Variants in GPR149 observed in about 807,000 individuals in gnomAD.
The protein encoded by GPR149 is G protein-coupled receptor 149.
Under a neutral mutation model 50.2 loss-of-function variants are expected in GPR149, and 50 were observed. That is an observed-to-expected ratio of 1.00 (90% CI 0.79 to 1.26). The LOEUF is 1.26. Ranked by LOEUF, GPR149 falls within the 50% of genes most tolerant of loss-of-function variation. The probability of loss-of-function intolerance (pLI) is 0.00; values close to 1 mark genes in which losing one functional copy is unlikely to be tolerated. For synonymous variants in GPR149, 405 were observed against 358.2 expected, an observed-to-expected ratio of 1.13 and a Z score of -1.48; for missense variants, 983 against 895.4, an observed-to-expected ratio of 1.10 and a Z score of -1.25.
At chr3:154,401,658 A>G (rs1419184246) in intron 3 of GPR149, among the ~76,000 whole-genome samples, 4 of 152,078 alleles carry the variant, frequency 2.6e-5, no homozygotes, top group Non-Finnish European at 4.4e-5. Flanking sequence ...AACTGGGGGG[A>G]AAAACAGGAA....
At chr3:154,371,713 C>A (rs939020148) in intron 3 of GPR149, among the ~76,000 whole-genome samples, 2 of 152,074 alleles carry the variant, frequency 1.3e-5, no homozygotes, top group East Asian at 3.9e-4. Flanking sequence ...AGTCAGGAAT[C>A]ATTACTGAAA....
intron 2 of GPR149, among the ~76,000 whole-genome samples, chr3:154,424,795 C>T (rs1342744106): frequency 6.6e-6 from 1 of 150,878 alleles, no homozygotes; most frequent in Non-Finnish European, 1.5e-5. Flanking sequence ...TTGCCAATTA[C>T]AATTTTAGAT....
intron 3 of GPR149, among the ~76,000 whole-genome samples, chr3:154,371,969 T>C (rs890941316): frequency 1.5e-5 from 2 of 133,934 alleles, no homozygotes; most frequent in Non-Finnish European, 3.3e-5. Context: ...ACTCACGGCA[T>C]CTACCAAGGA....
At position 154,421,194 on chromosome 3, in the gene GPR149, C is replaced by A. The variant is rs747593917; in HGVS notation, c.1468G>T (p.Asp490Tyr). ...EAKQDSNNKKDAFSDKTGGDI... is the reference protein window; with the variant it reads ...EAKQDSNNKKYAFSDKTGGDI... The stretch of plus-strand genomic sequence containing the variant: ...CCTCCTGTTTTGTCAGAAAACGCAT[C>A]CTTTTTGTTGTTGGAATCCTGTTTA... Residue 490 changes from aspartate to tyrosine, a missense_variant, in exon 3 of 4, where the codon GAT (aspartate) becomes TAT (tyrosine). Physicochemically the swap from Asp to Tyr is radical, Grantham distance 160. Coordinates refer to ENST00000389740, the MANE Select transcript of GPR149 (RefSeq NM_001038705.3). The A allele has an allele frequency of 1.2e-5, 20 of 1,613,328 alleles. No individual in the cohort carries two copies. In the African/African-American group the frequency reaches 2.0e-4, roughly 16 times the overall value.
chr3:154,422,644 C>A (rs1712179432), intron 2 of GPR149, among the ~76,000 whole-genome samples: 1 of 151,668 alleles, frequency 6.6e-6, no homozygotes, highest in African/African-American at 2.4e-5. Flanking sequence ...GATTTATAAA[C>A]CAATTCTGTT....
chr3:154,338,008 C>G lies in GPR149; in HGVS notation c.1887G>C (p.Glu629Asp). 1 of 1,614,166 alleles carries G rather than the reference C, an allele frequency of 6.2e-7. No homozygotes were observed. Among genetic ancestry groups the G allele is most frequent in the Non-Finnish European group, 8.5e-7 (1 of 1,180,030 alleles). Reference sequence around the variant, plus strand: ...TAATGATTGACACAGTGTCCAAGGCCTCTTCATTATCACAAATTTCAAGAA... The same window carrying G: ...TAATGATTGACACAGTGTCCAAGGCGTCTTCATTATCACAAATTTCAAGAA... ...LEVLEICDNE[E>D]ALDTVSIISN... Residue 629 changes from glutamate to aspartate, a missense_variant, in exon 4 of 4, where the codon GAG becomes GAC. Physicochemically the swap from Glu to Asp is conservative, Grantham distance 45. Transcript: ENST00000389740.
intron 3 of GPR149, among the ~76,000 whole-genome samples, chr3:154,391,556 T>TA (rs11385801): frequency 0.24 from 36,918 of 150,848 alleles, 4,784 homozygotes; most frequent in South Asian, 0.32. Context: ...TACAAGGTAG[T>TA]AAAAAAACAT....
chr3:154,412,878 C>T (rs1011588975), intron 3 of GPR149, among the ~76,000 whole-genome samples: 7 of 152,068 alleles, frequency 4.6e-5, no homozygotes, highest in Admixed American at 3.9e-4. Context: ...AATCTGGAGG[C>T]ATTACATTTC....
At position 154,342,967 on chromosome 3, in the gene GPR149, T is replaced by A. The variant is rs370910168; in HGVS notation, c.1624-4696A>T. ...TTCAGCACTTTTGTAAGCCCCAAAT[T>A]AGAAACAATCTAAAGATCTACATTT... On this transcript the variant is annotated intron_variant, in intron 3 of 3. Coordinates refer to ENST00000389740, the MANE Select transcript of GPR149 (RefSeq NM_001038705.3). Among the ~76,000 whole-genome samples the A allele has an allele frequency of 7.2e-5, 11 of 152,338 alleles. No individual in the cohort carries two copies. In the East Asian group the frequency reaches 1.5e-3, roughly 21 times the overall value.
intron 3 of GPR149, among the ~76,000 whole-genome samples, chr3:154,343,517 C>T (rs912565086): frequency 3.9e-5 from 6 of 152,070 alleles, no homozygotes; most frequent in Non-Finnish European, 7.4e-5. Context: ...CAGCGTTCAT[C>T]ATCTGGAGTA....
At position 154,336,063 on chromosome 3, in the gene GPR149, T is replaced by G. The variant is rs1713650370; in HGVS notation, c.*1636A>C. ...AGCTGTTAATATTGGTGATACAGTCTTTTAAAATAAAATATATTTGTAACG... is the reference window on the plus strand; with the variant it reads ...AGCTGTTAATATTGGTGATACAGTCGTTTAAAATAAAATATATTTGTAACG... On this transcript the variant is annotated 3_prime_UTR_variant, in exon 4 of 4. Coordinates refer to ENST00000389740, the MANE Select transcript of GPR149 (RefSeq NM_001038705.3). 2 of 152,126 alleles carry G rather than the reference T, an allele frequency of 1.3e-5. No individual in the cohort carries two copies. Among genetic ancestry groups the G allele is most frequent in the South Asian group, 4.1e-4 (2 of 4,834 alleles). 9.4% of individuals were successfully genotyped at this position (152,126 alleles called of 1,614,324 possible).
intron 3 of GPR149, among the ~76,000 whole-genome samples, chr3:154,393,311 G>A (rs1715212920): frequency 6.6e-6 from 1 of 152,002 alleles, no homozygotes; most frequent in South Asian, 2.1e-4. Flanking sequence ...ACACCACACT[G>A]ACAGAATAAA....
intron 3 of GPR149, among the ~76,000 whole-genome samples, chr3:154,347,957 G>A (rs987849048): frequency 6.6e-6 from 1 of 152,230 alleles, no homozygotes; most frequent in African/African-American, 2.4e-5. Context: ...AAGTACTGCT[G>A]TGGAGTCGCA....
In GPR149 at chr3:154,342,369, A is replaced by G. The variant is rs191544931; in HGVS notation, c.1624-4098T>C. ...GCAAAACAATTAAAGAAAAATGGAG[A>G]GTAAACACATAAAAATATGTGCAAT... On this transcript the variant is annotated intron_variant, in intron 3 of 3. Coordinates refer to ENST00000389740, the MANE Select transcript of GPR149 (RefSeq NM_001038705.3). 2.0e-3 allele frequency among the ~76,000 whole-genome samples: 303 copies of G among 152,364 alleles called. 1 individual carries two copies. Among genetic ancestry groups the G allele is most frequent in the Non-Finnish European group, 3.6e-3 (242 of 68,028 alleles).
At chr3:154,363,944 C>T (rs1415014055) in intron 3 of GPR149, among the ~76,000 whole-genome samples, 1 of 152,202 alleles carries the variant, frequency 6.6e-6, no homozygotes, top group Non-Finnish European at 1.5e-5. Context: ...CCTTATTCCT[C>T]TTGGTTGTGG....
chr3:154,416,449 A>C (rs1014104191), intron 3 of GPR149, among the ~76,000 whole-genome samples: 9 of 151,660 alleles, frequency 5.9e-5, no homozygotes, highest in African/African-American at 2.2e-4. Context: ...TACCCATTTG[A>C]CTCGTATGTA....
intron 3 of GPR149, among the ~76,000 whole-genome samples, chr3:154,350,932 C>T (rs1714062538): frequency 6.6e-6 from 1 of 152,006 alleles, no homozygotes. Flanking sequence ...CATGTAAATG[C>T]TATGTCAATA....
intron 3 of GPR149, chr3:154,352,933 C>G: frequency 2.2e-6 from 2 of 894,978 alleles, no homozygotes; most frequent in Non-Finnish European, 3.8e-6. Flanking sequence ...GCCTCAACAT[C>G]CTGAGGAGGA....
intron 3 of GPR149, among the ~76,000 whole-genome samples, chr3:154,382,936 A>G (rs532622932): frequency 2.6e-4 from 39 of 152,312 alleles, no homozygotes; most frequent in African/African-American, 8.9e-4. Flanking sequence ...TCTGTTTTCA[A>G]TGCGGACTGA....
Sources: allele counts gnomAD v4.1 joint callset (sites outside exome capture counted in the v4.1 genomes callset), GRCh38; gene constraint gnomAD v4.1.1; transcripts MANE v1.5; gene names NCBI Gene and HGNC (gene_info 2026-07-23, HGNC 2026-07-21).